VEPH1: variants seen among roughly 807,000 people sequenced by gnomAD.
VEPH1 encodes ventricular zone expressed PH domain containing 1, also known as ventricular zone-expressed PH domain-containing protein homolog 1.
In VEPH1, 80 loss-of-function variants were observed where a neutral mutation model predicts 85.2. The ratio of observed to expected loss-of-function variants is 0.94; its 90% confidence interval spans 0.78 to 1.13. VEPH1 has a LOEUF of 1.13. VEPH1 is among the 50% of genes most tolerant of loss of function. VEPH1 has a pLI of 0.00. For synonymous variants in VEPH1, 297 were observed against 348.0 expected (o/e 0.85, Z 1.63); for missense variants, 955 against 980.5 (o/e 0.97, Z 0.35).
intron 4 of VEPH1, among the ~76,000 whole-genome samples, chr3:157,452,842 T>C (rs1223955583): frequency 6.6e-6 from 1 of 152,212 alleles, no homozygotes; most frequent in Non-Finnish European, 1.5e-5. Flanking sequence ...ACATTTGTGT[T>C]CTTTCATTTC....
intron 8 of VEPH1, 127 bp downstream of exon 8, chr3:157,364,176 T>C: frequency 1.5e-6 from 1 of 685,840 alleles, no homozygotes; most frequent in Non-Finnish European, 2.4e-6. Flanking sequence ...ATTTCATTCA[T>C]GTAAGGATGG....
intron 2 of VEPH1, among the ~76,000 whole-genome samples, chr3:157,481,473 A>C (rs867862513): frequency 0.012 from 996 of 83,266 alleles, 9 homozygotes; most frequent in African/African-American, 0.035. Flanking sequence ...CACAAAAAAA[A>C]AAAAAAAAAA....
At chr3:157,450,200 T>C in intron 4 of VEPH1, among the ~76,000 whole-genome samples, 1 of 151,678 alleles carries the variant, frequency 6.6e-6, no homozygotes, top group East Asian at 1.9e-4. Context: ...AGACTACAGG[T>C]GCACACCACC....
chr3:157,284,844 T>C (rs756665768), intron 12 of VEPH1: 2 of 152,250 alleles, frequency 1.3e-5, no homozygotes, highest in Non-Finnish European at 2.9e-5. Context: ...TATTGCTATA[T>C]GTTCTCAGTC....
At chr3:157,282,883 T>G (rs1716317883) in intron 12 of VEPH1, among the ~76,000 whole-genome samples, 1 of 152,230 alleles carries the variant, frequency 6.6e-6, no homozygotes, top group Admixed American at 6.5e-5. Context: ...AGATCTGCAA[T>G]AAACACCACC....
At chr3:157,392,645 T>A (rs1245738495) in intron 6 of VEPH1, among the ~76,000 whole-genome samples, 1 of 152,072 alleles carries the variant, frequency 6.6e-6, no homozygotes, top group Non-Finnish European at 1.5e-5. Context: ...AAATATCTCA[T>A]AATGTTTTAA....
Position 157,337,531 on chromosome 3 carries a change from A to G in VEPH1, c.1736-20330T>C, listed in dbSNP as rs138165962. Among the ~76,000 whole-genome samples the G allele has an allele frequency of 4.0e-3, 602 of 152,352 alleles. 5 individuals carry two copies. Among genetic ancestry groups the G allele is most frequent in the Middle Eastern group, 0.031 (9 of 294 alleles). On this transcript the variant is annotated intron_variant, in intron 9 of 13. Transcript: ENST00000362010. ...AGGTCAAAATATTTTCCAACACAGA[A>G]AAAAATTCTGGAAGGAAATACATAT...
intron 2 of VEPH1, among the ~76,000 whole-genome samples, chr3:157,471,454 TG>T (rs1479441698): frequency 5.9e-5 from 9 of 152,240 alleles, no homozygotes; most frequent in Admixed American, 2.0e-4. Context: ...TGTTGAACTA[TG>T]TTCCAGAAAG....
intron 6 of VEPH1, among the ~76,000 whole-genome samples, chr3:157,411,300 T>C (rs1731514448): frequency 6.6e-6 from 1 of 152,192 alleles, no homozygotes; most frequent in Non-Finnish European, 1.5e-5. Context: ...GTTTAAGTTA[T>C]TGTGGTTTTG....
chr3:157,355,069 C>T (rs1353569603), intron 9 of VEPH1, among the ~76,000 whole-genome samples: 2 of 152,176 alleles, frequency 1.3e-5, no homozygotes, highest in African/African-American at 4.8e-5. Flanking sequence ...TTCTCTTCAG[C>T]TCCCACACCT....
At chr3:157,484,636 C>A (rs1738453006) in intron 2 of VEPH1, among the ~76,000 whole-genome samples, 1 of 152,100 alleles carries the variant, frequency 6.6e-6, no homozygotes, top group African/African-American at 2.4e-5. Context: ...AAGGGTATTA[C>A]ACAGGTAAAT....
chr3:157,340,254 A>T (rs1263173628), intron 9 of VEPH1, among the ~76,000 whole-genome samples: 1 of 152,224 alleles, frequency 6.6e-6, no homozygotes, highest in African/African-American at 2.4e-5. Context: ...GCAAGGGGTC[A>T]GGGAATTCCC....
At chr3:157,391,906 AG>A (rs1321536546) in intron 6 of VEPH1, among the ~76,000 whole-genome samples, 9 of 149,780 alleles carry the variant, frequency 6.0e-5, no homozygotes, top group African/African-American at 2.0e-4. Context: ...GAAACAAGCA[AG>A]GAGAGATTGG....
intron 13 of VEPH1, among the ~76,000 whole-genome samples, chr3:157,263,923 G>T (rs992260271): frequency 1.3e-5 from 2 of 152,086 alleles, no homozygotes; most frequent in Non-Finnish European, 2.9e-5. Context: ...AGACAGTTTG[G>T]TTTATGTGAT....
At chr3:157,320,595 T>A (rs974947754) in intron 9 of VEPH1, among the ~76,000 whole-genome samples, 1 of 152,200 alleles carries the variant, frequency 6.6e-6, no homozygotes, top group African/African-American at 2.4e-5. Flanking sequence ...GTCTTAAATA[T>A]AGAATGCTTT....
At chr3:157,408,016 T>G (rs1490396406) in intron 6 of VEPH1, among the ~76,000 whole-genome samples, 1 of 152,122 alleles carries the variant, frequency 6.6e-6, no homozygotes, top group African/African-American at 2.4e-5. Flanking sequence ...ACCGTGTTAC[T>G]TTTGCCCTCA....
intron 9 of VEPH1, among the ~76,000 whole-genome samples, chr3:157,323,679 A>G (rs1484106435): frequency 6.6e-6 from 1 of 152,206 alleles, no homozygotes; most frequent in Admixed American, 6.5e-5. Context: ...TGACTTATCC[A>G]GAGAATAAAA....
chr3:157,451,503 C>G (rs1402635725), intron 4 of VEPH1, among the ~76,000 whole-genome samples: 1 of 152,082 alleles, frequency 6.6e-6, no homozygotes, highest in East Asian at 1.9e-4. Context: ...TTATATATAA[C>G]CATTAATAAT....
intron 10 of VEPH1, among the ~76,000 whole-genome samples, chr3:157,314,704 G>A (rs374645287): frequency 1.3e-5 from 2 of 152,164 alleles, no homozygotes; most frequent in Non-Finnish European, 1.5e-5. Flanking sequence ...CAGTATGAGT[G>A]GGTGTGTGGG....
Sources: allele counts gnomAD v4.1 joint callset (sites outside exome capture counted in the v4.1 genomes callset), GRCh38; gene constraint gnomAD v4.1.1; transcripts MANE v1.5; gene names NCBI Gene and HGNC (gene_info 2026-07-23, HGNC 2026-07-21).